Variants in CHRDL1 observed in about 807,000 individuals in gnomAD.
The protein encoded by CHRDL1 is chordin-like protein 1.
CHRDL1 carries 19 observed loss-of-function variants against 40.9 expected under a neutral mutation model. That is an observed-to-expected ratio of 0.46 (90% CI 0.32 to 0.68). The LOEUF (loss-of-function observed/expected upper bound fraction) is 0.68. Ranked by LOEUF, CHRDL1 falls within the 30% of genes least tolerant of loss-of-function variation. The pLI is 0.03. For synonymous variants in CHRDL1, 136 were observed against 123.4 expected (o/e 1.10, Z -0.68); for missense variants, 329 against 352.1 (o/e 0.93, Z 0.53).
intron 6 of CHRDL1, among the ~76,000 whole-genome samples, chrX:110,716,710 G>A (rs1003393252): frequency 3.6e-5 from 4 of 111,335 alleles, no homozygotes; most frequent in African/African-American, 9.8e-5. Context: ...ATCAAAATGC[G>A]ACCTGAGGAC....
chrX:110,705,243 T>C (rs1372489925), intron 6 of CHRDL1, among the ~76,000 whole-genome samples: 1 of 100,524 alleles, frequency 9.9e-6, no homozygotes, highest in African/African-American at 3.6e-5. Flanking sequence ...CAAGAATGCA[T>C]ACCTAAATTT....
intron 2 of CHRDL1, among the ~76,000 whole-genome samples, chrX:110,768,087 C>A (rs1450979367): frequency 8.9e-6 from 1 of 111,949 alleles, no homozygotes; most frequent in Non-Finnish European, 1.9e-5. Flanking sequence ...TGTTCCCTTT[C>A]TTTGGAAATG....
chrX:110,689,538 C>A (rs181008320), intron 8 of CHRDL1, among the ~76,000 whole-genome samples: 380 of 11,128 alleles, frequency 0.034, 36 homozygotes, highest in African/African-American at 0.11. Context: ...CTATATATCT[C>A]TATATCTCTA....
chrX:110,706,078 T>C (rs778015629), intron 6 of CHRDL1, among the ~76,000 whole-genome samples: 1 of 111,107 alleles, frequency 9.0e-6, no homozygotes, highest in Non-Finnish European at 1.9e-5. Context: ...GTACAGTCTG[T>C]CTGGATAGCT....
chrX:110,698,127 A>C (rs1234196635), intron 7 of CHRDL1, among the ~76,000 whole-genome samples: 1 of 111,158 alleles, frequency 9.0e-6, no homozygotes, highest in Non-Finnish European at 1.9e-5. Flanking sequence ...AGTTTACGAA[A>C]AGGACAGTCT....
At chrX:110,700,569 G>T (rs1184093074) in intron 7 of CHRDL1, 85 bp downstream of exon 7, 6 of 650,246 alleles carry the variant, frequency 9.2e-6, no homozygotes, top group Admixed American at 8.5e-5. Flanking sequence ...CTTTTTTTTG[G>T]ATTTGCTAGA....
intron 2 of CHRDL1, among the ~76,000 whole-genome samples, chrX:110,771,325 T>C (rs1163304057): frequency 9.0e-6 from 1 of 111,567 alleles, no homozygotes; most frequent in South Asian, 3.8e-4. Context: ...ACTTCCCAAC[T>C]GAATATTTAA....
rs180988695 is a variant in CHRDL1 at position 110,701,825 on chromosome X, A to C, written c.542-1104T>G. 3.3e-3 allele frequency among the ~76,000 whole-genome samples: 364 copies of C among 111,317 alleles called. 3 individuals carry two copies. Among genetic ancestry groups the C allele is most frequent in the African/African-American group, 0.011 (345 of 30,618 alleles). On this transcript the variant is annotated intron_variant, in intron 6 of 11. Transcript: ENST00000372042. Reference sequence around the variant, plus strand: ...CCAGACCCTGTCACACACACACACAAAAAGAGTAACATGTTACCAGTTCAA... The same window carrying C: ...CCAGACCCTGTCACACACACACACACAAAGAGTAACATGTTACCAGTTCAA...
chrX:110,745,022 C>G (rs2071427340), intron 4 of CHRDL1, among the ~76,000 whole-genome samples: 1 of 109,274 alleles, frequency 9.2e-6, no homozygotes, highest in Admixed American at 9.8e-5. Context: ...TCACCCACTC[C>G]AACATACATG....
At chrX:110,768,750 G>A (rs2089705441) in intron 2 of CHRDL1, among the ~76,000 whole-genome samples, 1 of 110,798 alleles carries the variant, frequency 9.0e-6, no homozygotes, top group Non-Finnish European at 1.9e-5. Flanking sequence ...TGCACTGTTG[G>A]CTTCCCTACT....
intron 4 of CHRDL1, among the ~76,000 whole-genome samples, chrX:110,737,891 C>A (rs1051591881): frequency 9.0e-6 from 1 of 111,452 alleles, no homozygotes; most frequent in African/African-American, 3.3e-5. Flanking sequence ...CAACTTTTCC[C>A]CAGGGGACAT....
At chrX:110,792,059 G>A (rs199820546) in intron 2 of CHRDL1, 29 bp downstream of exon 2, 20 of 891,272 alleles carry the variant, frequency 2.2e-5, no homozygotes, top group South Asian at 6.6e-5. Flanking sequence ...TATAAAAAGT[G>A]TATTATTTTC....
At chrX:110,683,501 C>A (rs2069944844) in intron 9 of CHRDL1, among the ~76,000 whole-genome samples, 1 of 111,872 alleles carries the variant, frequency 8.9e-6, no homozygotes, top group African/African-American at 3.3e-5. Flanking sequence ...CCAGCTGGGA[C>A]AACTTTTAAG....
chrX:110,736,070 G>C (rs777975969), intron 4 of CHRDL1, among the ~76,000 whole-genome samples: 4 of 112,631 alleles, frequency 3.6e-5, no homozygotes, highest in Non-Finnish European at 7.5e-5. Context: ...CAAGGAAAGT[G>C]GTGGCACACA....
chrX:110,679,430 G>A lies in CHRDL1; in HGVS notation c.1157-5C>T. Reference sequence around the variant, plus strand: ...TATGGAAGTGCTGGAGAATGCCTAGGGCCAAGCAAAAAGTGGAGCAAATGG... The same window carrying A: ...TATGGAAGTGCTGGAGAATGCCTAGAGCCAAGCAAAAAGTGGAGCAAATGG... On this transcript the variant is annotated splice_region_variant and splice_polypyrimidine_tract_variant and intron_variant, in intron 10 of 11. Coordinates refer to ENST00000372042, the MANE Select transcript of CHRDL1 (RefSeq NM_001143981.2). 1 of 1,172,914 alleles carries A rather than the reference G, an allele frequency of 8.5e-7. No homozygotes were observed. The highest frequency in any genetic ancestry group is 1.2e-6 in the Non-Finnish European group (1 of 860,828).
At chrX:110,694,605 G>A (rs959426825) in intron 7 of CHRDL1, among the ~76,000 whole-genome samples, 1 of 111,992 alleles carries the variant, frequency 8.9e-6, no homozygotes, top group African/African-American at 3.2e-5. Flanking sequence ...TTCTCAGGGA[G>A]AAAAGAGCCA....
intron 8 of CHRDL1, among the ~76,000 whole-genome samples, chrX:110,693,572 T>C (rs2148431161): frequency 9.1e-6 from 1 of 110,423 alleles, no homozygotes; most frequent in Non-Finnish European, 1.9e-5. Context: ...CCCAGCCTGG[T>C]TTGAACCCCT....
rs1193950529 is a variant in CHRDL1 at position 110,713,368 on chromosome X, T to C, written c.541+6467A>G. 2.7e-5 allele frequency among the ~76,000 whole-genome samples: 3 copies of C among 112,168 alleles called. No individual in the cohort carries two copies. In the East Asian group the frequency reaches 8.4e-4, roughly 32 times the overall value. On this transcript the variant is annotated intron_variant, in intron 6 of 11. Coordinates refer to ENST00000372042, the MANE Select transcript of CHRDL1 (RefSeq NM_001143981.2). ...TTAGTGATTGCTTAACAATGTTTGC[T>C]GAATGAAAGAAAGTAGACATTTACA...
At chrX:110,717,080 G>A (rs946310814) in intron 6 of CHRDL1, among the ~76,000 whole-genome samples, 2 of 111,522 alleles carry the variant, frequency 1.8e-5, no homozygotes, top group African/African-American at 6.5e-5. Flanking sequence ...ACAAATCCTT[G>A]GTTCCAGGTT....
Sources: gnomAD v4.1 joint callset for allele counts (sites outside exome capture counted in the v4.1 genomes callset) on GRCh38, gnomAD v4.1.1 for gene constraint, MANE v1.5 for transcripts, NCBI Gene and HGNC (gene_info 2026-07-23, HGNC 2026-07-21) for gene names.